WDTC1: variants seen among roughly 807,000 people sequenced by gnomAD.
The protein encoded by WDTC1 is WD and tetratricopeptide repeats 1, also known as WD and tetratricopeptide repeats protein 1.
WDTC1 carries 12 observed loss-of-function variants against 76.0 expected under a neutral mutation model. The observed-to-expected ratio is 0.16, with a 90% CI of 0.10 to 0.26. The LOEUF is 0.26. WDTC1 is among the 10% of genes least tolerant of loss of function. The pLI, the probability that WDTC1 is intolerant of heterozygous loss-of-function variation, is 1.00. For missense variants in WDTC1, 511 were observed against 908.8 expected, an observed-to-expected ratio of 0.56 and a Z score of 5.63; for synonymous variants, 326 against 350.8, an observed-to-expected ratio of 0.93 and a Z score of 0.79.
At chr1:27,235,770 G>A (rs1465160652) in intron 1 of WDTC1, among the ~76,000 whole-genome samples, 1 of 152,014 alleles carries the variant, frequency 6.6e-6, no homozygotes, top group Non-Finnish European at 1.5e-5. Flanking sequence ...CTTAATAGCC[G>A]AATTTGACTG....
Position 27,263,209 on chromosome 1 carries a change from C to T in WDTC1, c.106C>T (p.Arg36Trp). The T allele has an allele frequency of 6.2e-7, 1 of 1,613,410 alleles. No homozygotes were observed. Among genetic ancestry groups the T allele is most frequent in the Non-Finnish European group, 8.5e-7 (1 of 1,179,800 alleles). The change falls in exon 3 of 16, where the codon CGG becomes TGG. Residue 36 changes from arginine to tryptophan, a missense_variant. Coordinates refer to ENST00000319394, the MANE Select transcript of WDTC1 (RefSeq NM_001276252.2). ...RYHVTDPFIR[R>W]LGLEAELQGH... ...CCATGTCACTGACCCCTTTATCCGG[C>T]GGCTGGGCCTGGAAGCAGAGCTGCA...
chr1:27,302,106 T>C lies in WDTC1; in HGVS notation c.1468+645T>C, dbSNP rs149184943. On this transcript the variant is annotated intron_variant, in intron 13 of 15. Transcript: ENST00000319394. ...TGAGCTCATAGGAGGCAGACATGGA[T>C]CTTCACCTCTCTCCTTTGCAGTTTA... 8.4e-4 allele frequency among the ~76,000 whole-genome samples: 128 copies of C among 152,270 alleles called. 1 individual carries two copies. Among genetic ancestry groups the C allele is most frequent in the African/African-American group, 2.9e-3 (120 of 41,546 alleles).
At chr1:27,250,338 C>T (rs573201369) in intron 1 of WDTC1, among the ~76,000 whole-genome samples, 97 of 152,072 alleles carry the variant, frequency 6.4e-4, no homozygotes, top group African/African-American at 2.1e-3. Context: ...TTAGTAGAAA[C>T]GGGGTTTTGC....
At chr1:27,242,980 G>A (rs2011677148) in intron 1 of WDTC1, among the ~76,000 whole-genome samples, 1 of 152,174 alleles carries the variant, frequency 6.6e-6, no homozygotes, top group Non-Finnish European at 1.5e-5. Context: ...AGATGCTTTG[G>A]TGATGAGTCT....
chr1:27,263,931 C>A (rs1048215238), intron 3 of WDTC1, among the ~76,000 whole-genome samples: 2 of 151,674 alleles, frequency 1.3e-5, no homozygotes, highest in Non-Finnish European at 2.9e-5. Context: ...TGCACACACA[C>A]ACAAACACAC....
chr1:27,237,247 C>A (rs1310686973), intron 1 of WDTC1, among the ~76,000 whole-genome samples: 1 of 152,136 alleles, frequency 6.6e-6, no homozygotes, highest in African/African-American at 2.4e-5. Flanking sequence ...GTAGCTGGGA[C>A]TACAGACACG....
In WDTC1 at chr1:27,306,767, GTGGGATT is replaced by G. The variant is rs965560671; in HGVS notation, c.*385_*391del. On this transcript the variant is annotated 3_prime_UTR_variant, in exon 16 of 16. Transcript: ENST00000319394. This position sits in a 1 kb window ranked among gnomAD's most constrained non-coding sequence, Gnocchi z 5.0. ...CCTTTAGCTGGCAGCAGCAGGAGGA[GTGGGATT>G]CCCAATTGGTAAGGGCTCGCCTTGG... 1.7e-5 allele frequency: 4 copies of G among 234,984 alleles called. No individual in the cohort carries two copies. Among genetic ancestry groups the G allele is most frequent in the African/African-American group, 9.0e-5 (4 of 44,380 alleles). The allele number at this position is 234,984 out of a possible 1,614,324, so 14.6% of individuals were successfully genotyped here. A position where few individuals can be genotyped will look rare whatever the true frequency, so the allele number is the denominator to read the frequency against.
intron 3 of WDTC1, among the ~76,000 whole-genome samples, chr1:27,272,583 G>C (rs1273417392): frequency 6.6e-6 from 1 of 152,214 alleles, no homozygotes; most frequent in African/African-American, 2.4e-5. Context: ...AGTTCTCACT[G>C]TAGAAGGGAA....
intron 3 of WDTC1, among the ~76,000 whole-genome samples, chr1:27,267,191 AATT>A (rs1299409776): frequency 6.6e-6 from 1 of 152,046 alleles, no homozygotes; most frequent in Non-Finnish European, 1.5e-5. Flanking sequence ...ATGTTGATAG[AATT>A]TATACCTACA....
At chr1:27,294,394 C>G in intron 8 of WDTC1, 120 bp from the exon 9 acceptor site, 1 of 904,554 alleles carries the variant, frequency 1.1e-6, no homozygotes, top group Non-Finnish European at 1.7e-6. Context: ...GGGCTCAACA[C>G]TTGTAGCTGC....
intron 1 of WDTC1, among the ~76,000 whole-genome samples, chr1:27,253,584 C>T (rs544478399): frequency 6.0e-5 from 9 of 150,600 alleles, no homozygotes; most frequent in Admixed American, 2.0e-4. Context: ...TGACCTCAAG[C>T]GATCTTCCCA....
intron 2 of WDTC1, among the ~76,000 whole-genome samples, chr1:27,262,365 C>T (rs898021873): frequency 1.3e-5 from 2 of 151,898 alleles, no homozygotes; most frequent in African/African-American, 2.4e-5. Context: ...TCCCTGCATC[C>T]CTGAATCCTT....
intron 1 of WDTC1, among the ~76,000 whole-genome samples, chr1:27,238,635 G>C (rs1486459032): frequency 6.6e-6 from 1 of 151,130 alleles, no homozygotes; most frequent in East Asian, 1.9e-4. Context: ...GCATGATCTC[G>C]GCTCACTGCA....
At chr1:27,240,873 G>C (rs2011609718) in intron 1 of WDTC1, among the ~76,000 whole-genome samples, 2 of 151,796 alleles carry the variant, frequency 1.3e-5, no homozygotes, top group African/African-American at 4.8e-5. Context: ...TACTCAGGAG[G>C]CTGCGGCAGG....
chr1:27,286,415 GA>G (rs1348510516), intron 5 of WDTC1, among the ~76,000 whole-genome samples: 11 of 149,988 alleles, frequency 7.3e-5, no homozygotes, highest in Admixed American at 4.0e-4. Context: ...GCTATTATAA[GA>G]GGCATCCAAG....
At chr1:27,236,625 T>C (rs1294276758) in intron 1 of WDTC1, among the ~76,000 whole-genome samples, 1 of 151,790 alleles carries the variant, frequency 6.6e-6, no homozygotes, top group African/African-American at 2.4e-5. Context: ...CAATTGACAG[T>C]TTTTTTTAGC....
At chr1:27,255,101 C>G (rs771000662) in intron 1 of WDTC1, among the ~76,000 whole-genome samples, 2 of 152,110 alleles carry the variant, frequency 1.3e-5, no homozygotes, top group Non-Finnish European at 2.9e-5. Flanking sequence ...AACCCCTTCT[C>G]TTTGATACTG....
Position 27,306,491 on chromosome 1 carries a change from C to A in WDTC1, c.*108C>A. 7.5e-7 allele frequency: 1 copy of A among 1,325,496 alleles called. No individual in the cohort carries two copies. The highest frequency in any genetic ancestry group is 2.5e-5 in the East Asian group (1 of 39,776). The allele number at this position is 1,325,496 out of a possible 1,614,324, so 82.1% of individuals were successfully genotyped here. A position where few individuals can be genotyped will look rare whatever the true frequency, so the allele number is the denominator to read the frequency against. Reference sequence around the variant, plus strand: ...TGTCTTCCCCACCACCCTTTTTTTTCATTTCCCCTGTTTTGTTTGTTAGTT... The same window carrying A: ...TGTCTTCCCCACCACCCTTTTTTTTAATTTCCCCTGTTTTGTTTGTTAGTT... On this transcript the variant is annotated 3_prime_UTR_variant, in exon 16 of 16. Transcript: ENST00000319394. This position sits in a 1 kb window ranked among gnomAD's most constrained non-coding sequence, Gnocchi z 5.0.
At chr1:27,282,116 T>G in intron 3 of WDTC1, 123 bp from the exon 4 acceptor site, 1 of 907,352 alleles carries the variant, frequency 1.1e-6, no homozygotes, top group Non-Finnish European at 1.7e-6. Flanking sequence ...GCCACTCACA[T>G]GCACTTGGAA....
Sources: allele counts gnomAD v4.1 joint callset (sites outside exome capture counted in the v4.1 genomes callset), GRCh38; gene constraint gnomAD v4.1.1; non-coding constraint Gnocchi (gnomAD v3.1); transcripts MANE v1.5; gene names NCBI Gene and HGNC (gene_info 2026-07-23, HGNC 2026-07-21).